The following WFDC10B variants were observed in gnomAD, a reference collection of about 807,000 sequenced individuals.
WFDC10B encodes the protein WAP four-disulfide core domain 10B.
Under a neutral mutation model 2.7 loss-of-function variants are expected in WFDC10B, and 1 was observed. That is an observed-to-expected ratio of 0.38 (90% CI 0.13 to 1.79). The LOEUF (loss-of-function observed/expected upper bound fraction) is 1.79. WFDC10B is among the 40% of genes most tolerant of loss of function. The pLI, the probability that WFDC10B is intolerant of heterozygous loss-of-function variation, is 0.33. For missense variants in WFDC10B, 71 were observed against 87.8 expected (o/e 0.81, Z 0.76); for synonymous variants, 26 against 32.2 (o/e 0.81, Z 0.65).
chr20:45,696,115 C>T (rs546845636), intron 2 of WFDC10B, among the ~76,000 whole-genome samples: 1 of 151,660 alleles, frequency 6.6e-6, no homozygotes, highest in Admixed American at 6.6e-5. Flanking sequence ...TGAAACCCCA[C>T]CTCTACTAAA....
chr20:45,699,862 A>C (rs1455592600), intron 2 of WFDC10B, among the ~76,000 whole-genome samples: 1 of 152,134 alleles, frequency 6.6e-6, no homozygotes, highest in East Asian at 1.9e-4. Context: ...TATTTTTAGT[A>C]GAGATGGGGT....
At chr20:45,704,636 G>T (rs1192011356) in intron 1 of WFDC10B, 75 bp from the exon 2 acceptor site, 14 of 1,605,662 alleles carry the variant, frequency 8.7e-6, no homozygotes, top group Non-Finnish European at 1.2e-5. Flanking sequence ...TAGAGCTGCT[G>T]GTGGGAGCCC....
At chr20:45,691,152 G>T (rs1308879607) in intron 2 of WFDC10B, among the ~76,000 whole-genome samples, 1 of 152,158 alleles carries the variant, frequency 6.6e-6, no homozygotes, top group Non-Finnish European at 1.5e-5. Context: ...GGTTTTGAGT[G>T]AGTTTCTTAA....
chr20:45,700,003 C>A (rs370939620), intron 2 of WFDC10B, among the ~76,000 whole-genome samples: 3 of 152,120 alleles, frequency 2.0e-5, no homozygotes, highest in African/African-American at 7.2e-5. Flanking sequence ...AACCAATGAT[C>A]ACACTTTTAG....
chr20:45,684,664 G>T lies in WFDC10B; in HGVS notation c.*166C>A. On this transcript the variant is annotated 3_prime_UTR_variant, in exon 4 of 4. Transcript: ENST00000330523. ...AAAGAGGCAGGATCCATGGGCATTT[G>T]TTCTGGTTTATTTGACAGGGACAGG... 1 of 894,058 alleles carries T rather than the reference G, an allele frequency of 1.1e-6. No individual in the cohort carries two copies. The highest frequency in any genetic ancestry group is 1.7e-6 in the Non-Finnish European group (1 of 602,110). 55.4% of individuals were successfully genotyped at this position (894,058 alleles called of 1,614,324 possible).
rs1032168452 is a variant in WFDC10B at position 45,694,947 on chromosome 20, G to A, written c.-64-8891C>T. Among the ~76,000 whole-genome samples, 4 of 152,236 alleles carry A rather than the reference G, an allele frequency of 2.6e-5. No individual in the cohort carries two copies. The East Asian group carries it at 7.7e-4, about 29-fold the overall frequency. On this transcript the variant is annotated intron_variant, in intron 2 of 3. Coordinates refer to ENST00000330523, the MANE Select transcript of WFDC10B (RefSeq NM_172006.2). ...TGGTGAACACATCCATGTGCCAGGA[G>A]GGTGGCACACACAACTCACAAGGAC... is the stretch of plus-strand genomic sequence containing the variant.
intron 2 of WFDC10B, among the ~76,000 whole-genome samples, chr20:45,686,807 T>G (rs1983636200): frequency 6.6e-6 from 1 of 151,998 alleles, no homozygotes; most frequent in African/African-American, 2.4e-5. Flanking sequence ...ATTACAAGCA[T>G]GTGCCATCAC....
intron 2 of WFDC10B, among the ~76,000 whole-genome samples, chr20:45,698,590 A>AC (rs1984048365): frequency 2.0e-5 from 3 of 151,328 alleles, no homozygotes; most frequent in Non-Finnish European, 4.4e-5. Context: ...AAAAAAAAAA[A>AC]ACCCAATTAC....
chr20:45,693,718 A>G (rs1348414216), intron 2 of WFDC10B, among the ~76,000 whole-genome samples: 1 of 152,232 alleles, frequency 6.6e-6, no homozygotes, highest in Non-Finnish European at 1.5e-5. Context: ...CCGATTTTCC[A>G]GGTGCCGTCT....
chr20:45,704,606 C>T, intron 1 of WFDC10B, 45 bp from the exon 2 acceptor site: 1 of 1,613,234 alleles, frequency 6.2e-7, no homozygotes, highest in East Asian at 2.2e-5. Context: ...TAAGAGATAT[C>T]TCATATCCAG....
At chr20:45,690,815 T>C (rs185702071) in intron 2 of WFDC10B, among the ~76,000 whole-genome samples, 30 of 152,234 alleles carry the variant, frequency 2.0e-4, no homozygotes, top group African/African-American at 7.2e-4. Flanking sequence ...TTTTGAAGGG[T>C]TTTTTGTGTC....
At chr20:45,702,078 C>T in intron 2 of WFDC10B, 1 of 1,581,796 alleles carries the variant, frequency 6.3e-7, no homozygotes, top group Non-Finnish European at 8.6e-7. Flanking sequence ...CCTGGTCAAA[C>T]CCAGCAACCC....
chr20:45,694,951 G>A (rs1338715782), intron 2 of WFDC10B, among the ~76,000 whole-genome samples: 1 of 152,184 alleles, frequency 6.6e-6, no homozygotes, highest in Non-Finnish European at 1.5e-5. Flanking sequence ...CCAGGAGGGT[G>A]GCACACACAA....
chr20:45,693,146 T>C (rs956142284), intron 2 of WFDC10B, among the ~76,000 whole-genome samples: 61 of 152,302 alleles, frequency 4.0e-4, no homozygotes, highest in African/African-American at 1.5e-3. Context: ...ACAGTGGTTT[T>C]TCGTGAACCG....
At chr20:45,697,616 T>TGC (rs1984017183) in intron 2 of WFDC10B, among the ~76,000 whole-genome samples, 1 of 152,142 alleles carries the variant, frequency 6.6e-6, no homozygotes, top group African/African-American at 2.4e-5. Flanking sequence ...CCTCTCAAAG[T>TGC]GCTGAGATTA....
chr20:45,690,787 CT>C (rs1399165400), intron 2 of WFDC10B, among the ~76,000 whole-genome samples: 2 of 152,046 alleles, frequency 1.3e-5, no homozygotes, highest in African/African-American at 4.8e-5. Flanking sequence ...AAAAAACCAG[CT>C]CCTAGATTCA....
intron 2 of WFDC10B, among the ~76,000 whole-genome samples, chr20:45,695,165 GT>G (rs1983939928): frequency 6.6e-6 from 1 of 152,182 alleles, no homozygotes; most frequent in African/African-American, 2.4e-5. Context: ...TAGATCAAAA[GT>G]GCAGGAGGCC....
intron 2 of WFDC10B, among the ~76,000 whole-genome samples, chr20:45,691,330 AG>A (rs1350665496): frequency 1.3e-5 from 2 of 151,394 alleles, no homozygotes; most frequent in Non-Finnish European, 2.9e-5. Flanking sequence ...TGGGGTGGAG[AG>A]TTCTGTAGAT....
chr20:45,685,913 A>T lies in WFDC10B; in HGVS notation c.80T>A (p.Met27Lys), dbSNP rs1301628680. Residue 27 changes from methionine to lysine, a missense_variant, in exon 3 of 4, where the codon ATG becomes AAG. Transcript: ENST00000330523. The part of the protein sequence containing the change: ...LQAQGGYRDK[M>K]RMQRIKVCEK... The stretch of plus-strand genomic sequence containing the variant: ...AGCCCATCACCTACTCTGCATCCTC[A>T]TCTTGTCACGGTATCCTCCCTGGGC... The T allele has an allele frequency of 1.1e-5, 18 of 1,613,928 alleles. No homozygotes were observed. Among genetic ancestry groups the T allele is most frequent in the African/African-American group, 2.7e-5 (2 of 75,020 alleles).
Sources: gnomAD v4.1 joint callset for allele counts (sites outside exome capture counted in the v4.1 genomes callset) on GRCh38, gnomAD v4.1.1 for gene constraint, MANE v1.5 for transcripts, NCBI Gene and HGNC (gene_info 2026-07-23, HGNC 2026-07-21) for gene names.